The following DYRK1B variants were observed in gnomAD, a reference collection of about 807,000 sequenced individuals.
The protein encoded by DYRK1B is dual specificity tyrosine phosphorylation regulated kinase 1B, also known as dual specificity tyrosine-phosphorylation-regulated kinase 1B.
DYRK1B carries 20 observed loss-of-function variants against 57.1 expected under a neutral mutation model. The ratio of observed to expected loss-of-function variants is 0.35; its 90% CI spans 0.25 to 0.51. The LOEUF is 0.51. Ranked by LOEUF, DYRK1B falls within the 20% of genes least tolerant of loss-of-function variation. The pLI is 0.96. For synonymous variants in DYRK1B, 409 were observed against 384.7 expected, an observed-to-expected ratio of 1.06 and a Z score of -0.74; for missense variants, 732 against 886.3, an observed-to-expected ratio of 0.83 and a Z score of 2.21.
chr19:39,831,243 G>T (rs1375977128), intron 2 of DYRK1B, among the ~76,000 whole-genome samples: 1 of 151,994 alleles, frequency 6.6e-6, no homozygotes, highest in Non-Finnish European at 1.5e-5. Context: ...AAGGCTCTTG[G>T]ATCTGGATCT....
Position 39,829,076 on chromosome 19 carries a change from G to A in DYRK1B, c.521-493C>T, listed in dbSNP as rs180957727. On this transcript the variant is annotated intron_variant, in intron 5 of 10. Transcript: ENST00000323039. ...TAAGAGTAACAGCTCTGGAGTCCAC[G>A]ACCTCATCAAATTATAGCTCAATTA... is the stretch of plus-strand genomic sequence containing the variant. Among the ~76,000 whole-genome samples the A allele has an allele frequency of 1.5e-3, 231 of 152,262 alleles. 1 individual carries two copies. The highest frequency in any genetic ancestry group is 8.1e-3 in the South Asian group (39 of 4,830).
intron 1 of DYRK1B, chr19:39,833,245 T>C (rs1568536194): frequency 2.0e-6 from 2 of 985,330 alleles, no homozygotes; most frequent in Middle Eastern, 5.2e-4. Flanking sequence ...CAGGATCATC[T>C]CTCCCAGCCC....
Position 39,826,385 on chromosome 19 carries a change from G to T in DYRK1B, c.1412-99C>A. On this transcript the variant is annotated intron_variant, in intron 9 of 10. Coordinates refer to ENST00000323039, the MANE Select transcript of DYRK1B (RefSeq NM_004714.3). This position sits in a 1 kb window ranked among gnomAD's most constrained non-coding sequence, Gnocchi z 6.3. ...AGGGAAGGTCACGGCCCAGGCTCAG[G>T]TTCAGGCTTCAAGAGCAGAGCCCAT... The T allele has an allele frequency of 9.6e-7, 1 of 1,037,408 alleles. No homozygotes were observed. Among genetic ancestry groups the T allele is most frequent in the Non-Finnish European group, 1.4e-6 (1 of 728,846 alleles). The allele number at this position is 1,037,408 out of a possible 1,614,324, so 64.3% of individuals were successfully genotyped here.
In DYRK1B at chr19:39,825,461, G is replaced by A. The variant is rs1208289703; in HGVS notation, c.*254C>T. On this transcript the variant is annotated 3_prime_UTR_variant, in exon 11 of 11. Coordinates refer to ENST00000323039, the MANE Select transcript of DYRK1B (RefSeq NM_004714.3). Reference sequence around the variant, plus strand: ...GGTGAGGGGGGGTCTTCCCTCCACCGGACCACCACTGTCTTTGGTACAATA... The same window carrying A: ...GGTGAGGGGGGGTCTTCCCTCCACCAGACCACCACTGTCTTTGGTACAATA... 3.0e-5 allele frequency: 15 copies of A among 505,092 alleles called. No individual in the cohort carries two copies. Among genetic ancestry groups the A allele is most frequent in the South Asian group, 4.9e-5 (2 of 40,488 alleles). The allele number at this position is 505,092 out of a possible 1,614,324, so 31.3% of individuals were successfully genotyped here. A position where few individuals can be genotyped will look rare whatever the true frequency, so the allele number is the denominator to read the frequency against.
Position 39,825,856 on chromosome 19 carries a change from G to C in DYRK1B, c.1749C>G (p.Ala583=), listed in dbSNP as rs748453719. The C allele has an allele frequency of 1.9e-6, 3 of 1,605,870 alleles. No individual in the cohort carries two copies. The South Asian group carries it at 3.3e-5, about 18-fold the overall frequency. Residue 583 remains alanine, a synonymous_variant, in exon 11 of 11, where the codon GCC becomes GCG. Transcript: ENST00000323039. The part of the protein sequence containing the change: ...ADCSPPHPAP[A]PQHPAASALR... ...GGGCTGAGGCAGCCGGGTGCTGGGG[G>C]GCAGGCGCTGGGTGAGGTGGGGAGC...
At position 39,826,713 on chromosome 19, in the gene DYRK1B, G is replaced by A. The variant is rs201656076; in HGVS notation, c.1370C>T (p.Thr457Ile). 3.7e-5 allele frequency: 59 copies of A among 1,606,252 alleles called. No individual in the cohort carries two copies. In the East Asian group the frequency reaches 1.1e-3, roughly 31 times the overall value. Reference sequence around the variant, plus strand: ...GCTGGCGGTGCTGGAAGAGGGGCAGGTGTCGAGGGGCGCGGGCGAGGTGGA... The same window carrying A: ...GCTGGCGGTGCTGGAAGAGGGGCAGATGTCGAGGGGCGCGGGCGAGGTGGA... Reference protein sequence around the residue: ...SASTSPAPLDTCPSSSTASSI... With the variant: ...SASTSPAPLDICPSSSTASSI... The change falls in exon 9 of 11, where the codon ACC (threonine) becomes ATC (isoleucine). Residue 457 changes from threonine to isoleucine, a missense_variant. Physicochemically the swap from Thr to Ile is moderately conservative, Grantham distance 89. Around this residue, in one of 2 missense-constraint regions of DYRK1B, gnomAD observed 510 missense variants for 681.3 expected, o/e 0.75. Transcript: ENST00000323039. This position sits in a 1 kb window ranked among gnomAD's most constrained non-coding sequence, Gnocchi z 6.3.
At position 39,828,838 on chromosome 19, in the gene DYRK1B, A is replaced by G. The variant is rs941004627; in HGVS notation, c.521-255T>C. ...GTTACTACTAGCTCTAACACATTCT[A>G]CACTTCCTCATTTAATTTCATAACA... On this transcript the variant is annotated intron_variant, in intron 5 of 10. Coordinates refer to ENST00000323039, the MANE Select transcript of DYRK1B (RefSeq NM_004714.3). This position sits in a 1 kb window ranked among gnomAD's most constrained non-coding sequence, Gnocchi z 4.3. 7.9e-5 allele frequency among the ~76,000 whole-genome samples: 12 copies of G among 152,248 alleles called. No individual in the cohort carries two copies. Among genetic ancestry groups the G allele is most frequent in the Admixed American group, 7.9e-4 (12 of 15,286 alleles).
intron 2 of DYRK1B, among the ~76,000 whole-genome samples, chr19:39,831,372 A>G (rs1968798482): frequency 6.6e-6 from 1 of 152,032 alleles, no homozygotes; most frequent in African/African-American, 2.4e-5. Context: ...AAGACCCTTT[A>G]GACTCAACCC....
rs1170999137 is a variant in DYRK1B at position 39,830,667 on chromosome 19, A to G, written c.180T>C (p.Asn60=). 5.0e-6 allele frequency: 8 copies of G among 1,613,774 alleles called. No homozygotes were observed. Among genetic ancestry groups the G allele is most frequent in the Non-Finnish European group, 6.8e-6 (8 of 1,179,840 alleles). The change falls in exon 3 of 11, where the codon AAT becomes AAC. Residue 60 remains asparagine, a synonymous_variant. Coordinates refer to ENST00000323039, the MANE Select transcript of DYRK1B (RefSeq NM_004714.3). ...GGATCCCCCAGCCCCTGCCCACCTC[A>G]TTGATGTGCTTGTAGGTCTTGATGA... ...VDLIKTYKHI[N]EVYYAKKKRR... is the part of the protein sequence containing the mutation.
chr19:39,831,663 T>A, intron 2 of DYRK1B, 142 bp downstream of exon 2: 1 of 1,082,214 alleles, frequency 9.2e-7, no homozygotes, highest in Non-Finnish European at 1.3e-6. Flanking sequence ...TGAAAACTCC[T>A]CTGTTATTTT....
chr19:39,828,191 C>G lies in DYRK1B; in HGVS notation c.807+106G>C, dbSNP rs370341593. ...CCCAAGCATTATCCCTCAGTTCCCA[C>G]GGCTCCTAATAATCCCATCCCAGCC... On this transcript the variant is annotated intron_variant, in intron 6 of 10. Coordinates refer to ENST00000323039, the MANE Select transcript of DYRK1B (RefSeq NM_004714.3). This position sits in a 1 kb window ranked among gnomAD's most constrained non-coding sequence, Gnocchi z 4.3. 2.4e-6 allele frequency: 3 copies of G among 1,271,226 alleles called. No individual in the cohort carries two copies. Among genetic ancestry groups the G allele is most frequent in the Admixed American group, 2.2e-5 (1 of 45,406 alleles). 78.7% of individuals were successfully genotyped at this position (1,271,226 alleles called of 1,614,324 possible). A position where few individuals can be genotyped will look rare whatever the true frequency, so the allele number is the denominator to read the frequency against.
Position 39,831,822 on chromosome 19 carries a change from G to A in DYRK1B, c.46C>T (p.Pro16Ser). ...GHGPFSGFPGPQEHTQVLPDV... is the reference protein window; with the variant it reads ...GHGPFSGFPGSQEHTQVLPDV... ...ACGCGTACCTGCGTGTGCTCCTGGG[G>A]CCCTGGGAAGCCAGAGAAGGGACCA... The change falls in exon 2 of 11, where the codon CCC becomes TCC. Residue 16 changes from proline to serine, a missense_variant. Coordinates refer to ENST00000323039, the MANE Select transcript of DYRK1B (RefSeq NM_004714.3). 2.6e-6 allele frequency: 4 copies of A among 1,544,722 alleles called. No homozygotes were observed. Among genetic ancestry groups the A allele is most frequent in the Non-Finnish European group, 1.7e-6 (2 of 1,144,304 alleles).
intron 1 of DYRK1B, 108 bp from the exon 2 acceptor site, chr19:39,832,076 A>C (rs951834803): frequency 1.9e-5 from 24 of 1,233,224 alleles, no homozygotes; most frequent in Non-Finnish European, 2.1e-5. Flanking sequence ...AGAGAAGAGG[A>C]AAAGGGCACA....
Position 39,827,631 on chromosome 19 carries a change from A to T in DYRK1B, c.833T>A (p.Phe278Tyr). ...QRIYQYIQSR[F>Y]YRSPEVLLGT... ...CAGGAGCACCTCAGGTGAGCGGTAG[A>T]AGCGGCTCTGGATATACTGGTAGAT... The change falls in exon 7 of 11, where the codon TTC becomes TAC. Residue 278 changes from phenylalanine to tyrosine, a missense_variant. By Grantham distance (22) the Phe-to-Tyr change is conservative. This residue lies in a region of DYRK1B where 510 missense variants were observed against 681.3 expected (regional missense o/e 0.75). Transcript: ENST00000323039. 6.2e-7 allele frequency: 1 copy of T among 1,614,076 alleles called. No homozygotes were observed. The highest frequency in any genetic ancestry group is 8.5e-7 in the Non-Finnish European group (1 of 1,179,968).
At chr19:39,827,098 A>T in intron 8 of DYRK1B, 111 bp from the exon 9 acceptor site, 1 of 1,163,004 alleles carries the variant, frequency 8.6e-7, no homozygotes, top group Non-Finnish European at 1.2e-6. Context: ...TGGAAAGAAA[A>T]GCTAAGAAGA....
rs777167047 is a variant in DYRK1B at position 39,825,543 on chromosome 19, G to A, written c.*172C>T. ...GTCCAGTCCTTAGTGGGGAGGGAGC[G>A]GCCAAAACCCTCTCCTTGACCCCCC... On this transcript the variant is annotated 3_prime_UTR_variant, in exon 11 of 11. Coordinates refer to ENST00000323039, the MANE Select transcript of DYRK1B (RefSeq NM_004714.3). 31 of 648,706 alleles carry A rather than the reference G, an allele frequency of 4.8e-5. No individual in the cohort carries two copies. The highest frequency in any genetic ancestry group is 3.3e-4 in the Admixed American group (11 of 33,810). The allele number at this position is 648,706 out of a possible 1,614,324, so 40.2% of individuals were successfully genotyped here. A position where few individuals can be genotyped will look rare whatever the true frequency, so the allele number is the denominator to read the frequency against.
At chr19:39,829,464 T>C (rs941409586) in intron 5 of DYRK1B, among the ~76,000 whole-genome samples, 5 of 152,202 alleles carry the variant, frequency 3.3e-5, no homozygotes, top group Non-Finnish European at 5.9e-5. Context: ...CTTGATATCA[T>C]GATCCGCCCA....
In DYRK1B at chr19:39,828,866, G is replaced by A. The variant is rs939079124; in HGVS notation, c.521-283C>T. The stretch of plus-strand genomic sequence containing the variant: ...CTTCCTCATTTAATTTCATAACACT[G>A]CTTTCATCTCCCTTGTATTCATTTT... On this transcript the variant is annotated intron_variant, in intron 5 of 10. Coordinates refer to ENST00000323039, the MANE Select transcript of DYRK1B (RefSeq NM_004714.3). The surrounding 1 kb of genome is among the most constrained non-coding windows in gnomAD (Gnocchi z 4.3). Among the ~76,000 whole-genome samples, 1 of 152,150 alleles carries A rather than the reference G, an allele frequency of 6.6e-6. No homozygotes were observed. Among genetic ancestry groups the A allele is most frequent in the African/African-American group, 2.4e-5 (1 of 41,424 alleles).
chr19:39,830,011 T>C lies in DYRK1B; in HGVS notation c.389A>G (p.Asp130Gly). 6.2e-7 allele frequency: 1 copy of C among 1,614,070 alleles called. No individual in the cohort carries two copies. Among genetic ancestry groups the C allele is most frequent in the Non-Finnish European group, 8.5e-7 (1 of 1,180,012 alleles). The stretch of plus-strand genomic sequence containing the variant: ...GGCCACAAGCTCCTGGGTCTGATGA[T>C]CATAGGCTTTCACCACCTGTTGGGG... ...GSFGQVVKAY[D>G]HQTQELVAIK... The change falls in exon 5 of 11, where the codon GAT becomes GGT. Residue 130 changes from aspartate (D) to glycine (G), a missense_variant. By Grantham distance (94) the Asp-to-Gly change is moderately conservative. Coordinates refer to ENST00000323039, the MANE Select transcript of DYRK1B (RefSeq NM_004714.3).
Sources: allele counts gnomAD v4.1 joint callset (sites outside exome capture counted in the v4.1 genomes callset), GRCh38; gene constraint gnomAD v4.1.1; regional missense constraint gnomAD v4.1.1; non-coding constraint Gnocchi (gnomAD v3.1); transcripts MANE v1.5; gene names NCBI Gene and HGNC (gene_info 2026-07-23, HGNC 2026-07-21).